The following HECW1 variants were observed in gnomAD, a reference collection of about 807,000 sequenced individuals.
HECW1 encodes HECT, C2 and WW domain containing E3 ubiquitin protein ligase 1.
A neutral mutation model predicts 182.3 loss-of-function variants in HECW1; 61 were observed. That is an observed-to-expected ratio of 0.33 (90% CI 0.27 to 0.41). The LOEUF (loss-of-function observed/expected upper bound fraction) is 0.41, where lower values mean the gene tolerates loss of function less well. HECW1 is among the 10% of genes least tolerant of loss of function. The pLI is 1.00. For synonymous variants in HECW1, 859 were observed against 832.6 expected, an observed-to-expected ratio of 1.03 and a Z score of -0.55; for missense variants, 1,739 against 2,108.9, an observed-to-expected ratio of 0.82 and a Z score of 3.44.
chr7:43,355,043 A>AG (rs1814936529), intron 5 of HECW1, among the ~76,000 whole-genome samples: 1 of 151,670 alleles, frequency 6.6e-6, no homozygotes, highest in Admixed American at 6.6e-5. Flanking sequence ...AAAAAAAAAA[A>AG]CTGCCTCCCA....
intron 12 of HECW1, among the ~76,000 whole-genome samples, chr7:43,454,271 T>G (rs987389010): frequency 6.6e-6 from 1 of 152,218 alleles, no homozygotes; most frequent in Admixed American, 6.5e-5. Flanking sequence ...GCTACACAGT[T>G]TGTTCAGTCA....
intron 2 of HECW1, among the ~76,000 whole-genome samples, chr7:43,226,839 A>G (rs1335099354): frequency 1.3e-5 from 2 of 152,190 alleles, no homozygotes; most frequent in Non-Finnish European, 2.9e-5. Context: ...TGCTGTGTTC[A>G]GTCATTGGTC....
chr7:43,358,596 A>G (rs137981108), intron 5 of HECW1, among the ~76,000 whole-genome samples: 5 of 152,348 alleles, frequency 3.3e-5, no homozygotes, highest in African/African-American at 1.2e-4. Flanking sequence ...AAAAATTTAA[A>G]TAGCTGATTA....
chr7:43,229,090 T>C (rs2330784), intron 2 of HECW1, among the ~76,000 whole-genome samples: 85,678 of 152,054 alleles, frequency 0.56, 24,925 homozygotes, highest in African/African-American at 0.68. Flanking sequence ...GTGAGATAGC[T>C]GCTGTACCTT....
chr7:43,190,974 G>A (rs1411103087), intron 2 of HECW1, among the ~76,000 whole-genome samples: 4 of 152,154 alleles, frequency 2.6e-5, no homozygotes, highest in African/African-American at 9.7e-5. Context: ...CATAAGCTGT[G>A]TAGGGAAGGA....
At chr7:43,471,106 G>C (rs2078005398) in intron 16 of HECW1, among the ~76,000 whole-genome samples, 1 of 152,334 alleles carries the variant, frequency 6.6e-6, no homozygotes, top group African/African-American at 2.4e-5. Flanking sequence ...TGACAGATTA[G>C]TAGTATCTAC....
chr7:43,473,156 C>G (rs1214288804), intron 16 of HECW1, among the ~76,000 whole-genome samples: 1 of 152,196 alleles, frequency 6.6e-6, no homozygotes, highest in Non-Finnish European at 1.5e-5. Flanking sequence ...CCACCCTCTA[C>G]CCCCACTCTG....
chr7:43,159,623 A>T (rs1216636491), intron 2 of HECW1, among the ~76,000 whole-genome samples: 2 of 152,096 alleles, frequency 1.3e-5, no homozygotes, highest in Non-Finnish European at 2.9e-5. Context: ...CACATACAAA[A>T]AACATTTCCT....
chr7:43,138,983 T>TTTTGTTTG (rs562386632), intron 2 of HECW1, among the ~76,000 whole-genome samples: 305 of 152,340 alleles, frequency 2.0e-3, no homozygotes, highest in African/African-American at 6.7e-3. Flanking sequence ...AGACTGGTTT[T>TTTTGTTTG]TTTGTTTGTT....
intron 2 of HECW1, among the ~76,000 whole-genome samples, chr7:43,207,566 G>A (rs1012140471): frequency 6.6e-6 from 1 of 152,014 alleles, no homozygotes; most frequent in African/African-American, 2.4e-5. Context: ...ATAGAACCTA[G>A]AACTGATCCC....
intron 24 of HECW1, among the ~76,000 whole-genome samples, chr7:43,515,629 G>T (rs2080110844): frequency 6.6e-6 from 1 of 152,144 alleles, no homozygotes; most frequent in Admixed American, 6.5e-5. Flanking sequence ...TCAGTGCAAA[G>T]ACACCTTTTT....
At chr7:43,467,940 T>C (rs779109157) in intron 15 of HECW1, among the ~76,000 whole-genome samples, 3 of 151,980 alleles carry the variant, frequency 2.0e-5, no homozygotes, top group Non-Finnish European at 4.4e-5. Flanking sequence ...TGGGCTCAAT[T>C]CCAAGCAGCT....
intron 24 of HECW1, among the ~76,000 whole-genome samples, chr7:43,517,031 T>C (rs1327423980): frequency 6.6e-6 from 1 of 152,244 alleles, no homozygotes; most frequent in East Asian, 1.9e-4. Flanking sequence ...TGGTCTGTCA[T>C]TAACTGAAAT....
In HECW1 at chr7:43,191,294, T is replaced by C. The variant is rs187817965; in HGVS notation, c.-31-52581T>C. On this transcript the variant is annotated intron_variant, in intron 2 of 29. Transcript: ENST00000395891. ...GCAAGAGTACCCCCAGACTAGAAGA[T>C]ACCTGAGGCCATTGACATACACTAG... Among the ~76,000 whole-genome samples the C allele has an allele frequency of 4.6e-5, 7 of 152,340 alleles. 1 individual carries two copies. Among genetic ancestry groups the C allele is most frequent in the African/African-American group, 1.7e-4 (7 of 41,578 alleles).
chr7:43,284,502 C>CAAAAAAAAAAAAAAAAAAA (rs1165081149), intron 3 of HECW1, among the ~76,000 whole-genome samples: 1 of 53,790 alleles, frequency 1.9e-5, no homozygotes, highest in African/African-American at 5.0e-5. Context: ...CCCATTTCTA[C>CAAAAAAAAAAAAAAAAAAA]AAAAAAAAAA....
intron 8 of HECW1, among the ~76,000 whole-genome samples, chr7:43,408,678 C>T (rs925698950): frequency 6.6e-6 from 1 of 151,956 alleles, no homozygotes; most frequent in African/African-American, 2.4e-5. Flanking sequence ...AGAGCGAGAC[C>T]CTGTCTCTAA....
chr7:43,424,702 T>C lies in HECW1; in HGVS notation c.802-13301T>C, dbSNP rs142323520. On this transcript the variant is annotated intron_variant, in intron 8 of 29. Coordinates refer to ENST00000395891, the MANE Select transcript of HECW1 (RefSeq NM_015052.5). ...AGTTAAAAATATCAGGAAATATCAA[T>C]AGAGTTCTTGTGATATTGTAAATTA... 1.4e-3 allele frequency among the ~76,000 whole-genome samples: 209 copies of C among 152,266 alleles called. 1 individual carries two copies. In the East Asian group the frequency reaches 0.016, roughly 11 times the overall value.
intron 11 of HECW1, among the ~76,000 whole-genome samples, chr7:43,446,124 C>T (rs2077046589): frequency 6.6e-6 from 1 of 151,912 alleles, no homozygotes; most frequent in Non-Finnish European, 1.5e-5. Flanking sequence ...TTTATGTCCA[C>T]TCAATTCTTG....
chr7:43,160,866 C>G (rs548407999), intron 2 of HECW1, among the ~76,000 whole-genome samples: 2 of 152,126 alleles, frequency 1.3e-5, no homozygotes, highest in Admixed American at 6.5e-5. Context: ...TGTTCCCGCC[C>G]GCTGTGCTGT....
Sources: allele counts gnomAD v4.1 joint callset (sites outside exome capture counted in the v4.1 genomes callset), GRCh38; gene constraint gnomAD v4.1.1; transcripts MANE v1.5; gene names NCBI Gene and HGNC (gene_info 2026-07-23, HGNC 2026-07-21).